The following CACNB2 variants were observed in gnomAD, a reference collection of about 807,000 sequenced individuals.
The protein encoded by CACNB2 is voltage-dependent L-type calcium channel subunit beta-2.
In CACNB2, 42 loss-of-function variants were observed where a neutral mutation model predicts 73.3. That is an observed-to-expected ratio of 0.57 (90% CI 0.45 to 0.74). The LOEUF (loss-of-function observed/expected upper bound fraction) is 0.74, where lower values mean the gene tolerates loss of function less well. Among genes scored for constraint, CACNB2 ranks in the 30% least tolerant of loss-of-function variants. The probability of loss-of-function intolerance (pLI) is 0.00; values close to 1 mark genes in which losing one functional copy is unlikely to be tolerated. For missense variants in CACNB2, 940 were observed against 853.0 expected (o/e 1.10, Z -1.27); for synonymous variants, 348 against 310.3 (o/e 1.12, Z -1.28).
intron 2 of CACNB2, among the ~76,000 whole-genome samples, chr10:18,178,746 A>G (rs868676408): frequency 3.9e-5 from 6 of 152,158 alleles, no homozygotes; most frequent in Non-Finnish European, 7.3e-5. Flanking sequence ...GCTACGTTCA[A>G]TTCTGAAGTT....
rs879620478 is a variant in CACNB2 at position 18,543,344 on chromosome 10, G to C, written c.*3620G>C. 1.3e-5 allele frequency: 2 copies of C among 152,002 alleles called. No homozygotes were observed. The highest frequency in any genetic ancestry group is 2.9e-5 in the Non-Finnish European group (2 of 68,012). The allele number at this position is 152,002 out of a possible 1,614,324, so 9.4% of individuals were successfully genotyped here. On this transcript the variant is annotated 3_prime_UTR_variant, in exon 14 of 14. Coordinates refer to ENST00000324631, the MANE Select transcript of CACNB2 (RefSeq NM_201596.3). ...AGATAAAATATTTTATTCAACGTGAGCTCTAGCAGAATAATCTGGGTCAGT... is the reference window on the plus strand; with the variant it reads ...AGATAAAATATTTTATTCAACGTGACCTCTAGCAGAATAATCTGGGTCAGT...
intron 3 of CACNB2, among the ~76,000 whole-genome samples, chr10:18,409,552 G>A (rs763485381): frequency 1.4e-4 from 21 of 152,294 alleles, no homozygotes; most frequent in Non-Finnish European, 2.4e-4. Context: ...AAGGCCATCC[G>A]CTGGGCTGAG....
chr10:18,499,469 T>G (rs1363080484), intron 4 of CACNB2, among the ~76,000 whole-genome samples: 4 of 151,640 alleles, frequency 2.6e-5, no homozygotes, highest in South Asian at 2.1e-4. Context: ...ACAAAAATTA[T>G]CTGGGTGTAG....
At chr10:18,497,480 C>A (rs745706696) in intron 3 of CACNB2, among the ~76,000 whole-genome samples, 112 of 152,190 alleles carry the variant, frequency 7.4e-4, no homozygotes, top group Admixed American at 1.2e-3. Flanking sequence ...AGTGCAGTCG[C>A]GTGATCATGG....
At chr10:18,304,142 G>A (rs1338914316) in intron 2 of CACNB2, among the ~76,000 whole-genome samples, 1 of 152,146 alleles carries the variant, frequency 6.6e-6, no homozygotes, top group Non-Finnish European at 1.5e-5. Context: ...CTTTTGTAGA[G>A]ATAGGGTTGC....
chr10:18,525,030 A>G lies in CACNB2; in HGVS notation c.945-2558A>G, dbSNP rs938856206. Among the ~76,000 whole-genome samples the G allele has an allele frequency of 1.5e-4, 8 of 52,526 alleles. No individual in the cohort carries two copies. The Middle Eastern group carries it at 0.027, about 176-fold the overall frequency. 34.5% of individuals were successfully genotyped at this position (52,526 alleles called of 152,430 possible). ...CCTGGGTGACAGTGAGATGCTGTCT[A>G]AAAAAAAAAAAAAAAAAAACACATT... On this transcript the variant is annotated intron_variant, in intron 9 of 13. Coordinates refer to ENST00000324631, the MANE Select transcript of CACNB2 (RefSeq NM_201596.3).
At chr10:18,472,990 C>G (rs939329923) in intron 3 of CACNB2, among the ~76,000 whole-genome samples, 1 of 152,224 alleles carries the variant, frequency 6.6e-6, no homozygotes, top group Non-Finnish European at 1.5e-5. Flanking sequence ...TACATTCTCT[C>G]TTTCTTCCAA....
chr10:18,242,949 G>A (rs1173910267), intron 2 of CACNB2, among the ~76,000 whole-genome samples: 2 of 149,918 alleles, frequency 1.3e-5, no homozygotes, highest in East Asian at 3.9e-4. Flanking sequence ...GGCGGAGCTT[G>A]CAGTGAGCCG....
intron 2 of CACNB2, among the ~76,000 whole-genome samples, chr10:18,218,316 G>C (rs2035592935): frequency 6.6e-6 from 1 of 152,140 alleles, no homozygotes; most frequent in South Asian, 2.1e-4. Context: ...AAGTCAGACA[G>C]ACGAACTGAT....
intron 10 of CACNB2, among the ~76,000 whole-genome samples, chr10:18,533,634 C>T (rs1050475315): frequency 8.5e-5 from 13 of 152,226 alleles, no homozygotes; most frequent in East Asian, 7.7e-4. Context: ...AACATCTAGA[C>T]GGCATACAGG....
At chr10:18,478,739 G>A (rs1019432896) in intron 3 of CACNB2, among the ~76,000 whole-genome samples, 3 of 152,208 alleles carry the variant, frequency 2.0e-5, no homozygotes, top group Non-Finnish European at 2.9e-5. Flanking sequence ...AGGATCACTA[G>A]GGAGAATGAA....
Position 18,540,679 on chromosome 10 carries a change from C to G in CACNB2, c.*955C>G, listed in dbSNP as rs867593641. 1 of 152,540 alleles carries G rather than the reference C, an allele frequency of 6.6e-6. No individual in the cohort carries two copies. Among genetic ancestry groups the G allele is most frequent in the African/African-American group, 2.4e-5 (1 of 41,416 alleles). The allele number at this position is 152,540 out of a possible 1,614,324, so 9.4% of individuals were successfully genotyped here. A position where few individuals can be genotyped will look rare whatever the true frequency, so the allele number is the denominator to read the frequency against. On this transcript the variant is annotated 3_prime_UTR_variant, in exon 14 of 14. Transcript: ENST00000324631. The stretch of plus-strand genomic sequence containing the variant: ...TAGTAGCTAGTGTCTGTTCTAGTCA[C>G]TGCACTGGAGTCTACGAGCCGGAAC...
intron 2 of CACNB2, among the ~76,000 whole-genome samples, chr10:18,324,087 T>C (rs2131972129): frequency 6.6e-6 from 1 of 152,352 alleles, no homozygotes; most frequent in South Asian, 2.1e-4. Context: ...GAATCTTTGA[T>C]GATACACTTG....
chr10:18,404,987 A>T (rs1042468512), intron 3 of CACNB2, among the ~76,000 whole-genome samples: 1 of 152,144 alleles, frequency 6.6e-6, no homozygotes, highest in African/African-American at 2.4e-5. Flanking sequence ...GTGTGTTTTG[A>T]TGTTGTACAG....
At chr10:18,177,287 A>G (rs1037066339) in intron 2 of CACNB2, among the ~76,000 whole-genome samples, 1 of 152,078 alleles carries the variant, frequency 6.6e-6, no homozygotes, top group Non-Finnish European at 1.5e-5. Flanking sequence ...TCTGCAACCT[A>G]TGCTTTATCC....
At chr10:18,185,668 G>T (rs761624086) in intron 2 of CACNB2, among the ~76,000 whole-genome samples, 1 of 152,198 alleles carries the variant, frequency 6.6e-6, no homozygotes, top group Non-Finnish European at 1.5e-5. Context: ...TTGACAAAAG[G>T]TTGGCAACTG....
At chr10:18,465,556 A>G (rs1253941612) in intron 3 of CACNB2, among the ~76,000 whole-genome samples, 1 of 152,048 alleles carries the variant, frequency 6.6e-6, no homozygotes, top group East Asian at 1.9e-4. Flanking sequence ...TTCTCTCCAT[A>G]GCATTACCCT....
At chr10:18,245,643 T>C (rs1050542427) in intron 2 of CACNB2, among the ~76,000 whole-genome samples, 1 of 152,162 alleles carries the variant, frequency 6.6e-6, no homozygotes, top group South Asian at 2.1e-4. Flanking sequence ...CTCCTGTTCA[T>C]TTTTATTTTT....
intron 2 of CACNB2, among the ~76,000 whole-genome samples, chr10:18,376,162 A>G (rs1347730693): frequency 6.6e-6 from 1 of 152,250 alleles, no homozygotes; most frequent in Admixed American, 6.5e-5. Flanking sequence ...CTATTCAGCC[A>G]TAAAAAATCA....
Sources: gnomAD v4.1 joint callset for allele counts (sites outside exome capture counted in the v4.1 genomes callset) on GRCh38, gnomAD v4.1.1 for gene constraint, MANE v1.5 for transcripts, NCBI Gene and HGNC (gene_info 2026-07-23, HGNC 2026-07-21) for gene names.